RALGAPA2: variants seen among roughly 807,000 people sequenced by gnomAD.
RALGAPA2 encodes Ral GTPase activating protein catalytic subunit alpha 2.
A neutral mutation model predicts 230.4 loss-of-function variants in RALGAPA2; 139 were observed. The ratio of observed to expected loss-of-function variants is 0.60; its 90% CI spans 0.53 to 0.69. The LOEUF (loss-of-function observed/expected upper bound fraction) is 0.69. RALGAPA2 is among the 30% of genes least tolerant of loss of function. The pLI is 0.00. For missense variants in RALGAPA2, 2,163 were observed against 2,276.0 expected, an observed-to-expected ratio of 0.95 and a Z score of 1.01; for synonymous variants, 847 against 837.8, an observed-to-expected ratio of 1.01 and a Z score of -0.19.
intron 25 of RALGAPA2, among the ~76,000 whole-genome samples, chr20:20,536,368 T>C (rs1367747546): frequency 6.6e-6 from 1 of 152,208 alleles, no homozygotes; most frequent in Non-Finnish European, 1.5e-5. Flanking sequence ...CTAATAAAAT[T>C]ATTACAAAGG....
rs2067460169 is a variant in RALGAPA2, at chr20:20,653,058, T to G, written c.328+472A>C. 2.6e-5 allele frequency among the ~76,000 whole-genome samples: 4 copies of G among 151,358 alleles called. No individual in the cohort carries two copies. The South Asian group carries it at 8.4e-4, about 32-fold the overall frequency. ...ATACAAAAAAAAAATTAGCCGGGCATGGTGGCGCATGCCTGTAATCCCAGC... is the reference window on the plus strand; with the variant it reads ...ATACAAAAAAAAAATTAGCCGGGCAGGGTGGCGCATGCCTGTAATCCCAGC... On this transcript the variant is annotated intron_variant, in intron 4 of 39. Transcript: ENST00000202677.
chr20:20,474,205 T>A (rs2061600303), intron 36 of RALGAPA2, among the ~76,000 whole-genome samples: 1 of 152,122 alleles, frequency 6.6e-6, no homozygotes, highest in African/African-American at 2.4e-5. Context: ...TATGAGAACA[T>A]CTAACGGAAG....
At chr20:20,505,196 A>G (rs933709037) in intron 34 of RALGAPA2, 2 of 981,116 alleles carry the variant, frequency 2.0e-6, no homozygotes, top group African/African-American at 1.8e-5. Context: ...AAATGAAAAA[A>G]TATTAAGAGG....
intron 37 of RALGAPA2, among the ~76,000 whole-genome samples, chr20:20,431,678 A>G (rs1001589762): frequency 1.3e-5 from 2 of 152,248 alleles, no homozygotes; most frequent in African/African-American, 4.8e-5. Flanking sequence ...TCAAAATTGC[A>G]AAGGGAGCAG....
intron 38 of RALGAPA2, among the ~76,000 whole-genome samples, chr20:20,400,922 C>T (rs900280602): frequency 1.3e-5 from 2 of 152,128 alleles, no homozygotes; most frequent in East Asian, 1.9e-4. Flanking sequence ...AAGAAGTCAG[C>T]CACCAAAGAC....
At chr20:20,469,349 T>C (rs1390976459) in intron 37 of RALGAPA2, among the ~76,000 whole-genome samples, 1 of 152,190 alleles carries the variant, frequency 6.6e-6, no homozygotes, top group Non-Finnish European at 1.5e-5. Context: ...TTTTTGAAGA[T>C]GTGAAAATTC....
At chr20:20,551,695 G>C (rs1212748379) in intron 23 of RALGAPA2, among the ~76,000 whole-genome samples, 4 of 152,260 alleles carry the variant, frequency 2.6e-5, no homozygotes, top group African/African-American at 9.6e-5. Context: ...TATGTACACA[G>C]TAACTGGAAA....
intron 36 of RALGAPA2, among the ~76,000 whole-genome samples, chr20:20,494,717 C>G (rs2145244): frequency 6.6e-6 from 1 of 152,248 alleles, no homozygotes; most frequent in Non-Finnish European, 1.5e-5. Flanking sequence ...CCAGGCAAGG[C>G]TGGATTCCAT....
At chr20:20,623,107 A>G (rs1206313686) in intron 10 of RALGAPA2, among the ~76,000 whole-genome samples, 1 of 152,232 alleles carries the variant, frequency 6.6e-6, no homozygotes, top group Non-Finnish European at 1.5e-5. Flanking sequence ...GTAAGAAGAC[A>G]GCAGACTAAA....
chr20:20,671,335 T>A (rs938584334), intron 3 of RALGAPA2, among the ~76,000 whole-genome samples: 1 of 152,242 alleles, frequency 6.6e-6, no homozygotes. Context: ...TTCCAAGCCA[T>A]TTCTTATTTA....
At chr20:20,491,121 A>G (rs1292145371) in intron 36 of RALGAPA2, among the ~76,000 whole-genome samples, 9 of 152,134 alleles carry the variant, frequency 5.9e-5, no homozygotes, top group Non-Finnish European at 1.3e-4. Flanking sequence ...AAGAAACGGA[A>G]AGATCTGCCC....
intron 30 of RALGAPA2, among the ~76,000 whole-genome samples, chr20:20,524,007 A>G (rs2063120622): frequency 6.6e-6 from 1 of 152,092 alleles, no homozygotes; most frequent in African/African-American, 2.4e-5. Flanking sequence ...CCCAGGTTGG[A>G]GTGCAGTGGC....
chr20:20,444,347 T>C (rs1162261640), intron 37 of RALGAPA2, among the ~76,000 whole-genome samples: 1 of 152,252 alleles, frequency 6.6e-6, no homozygotes, highest in Non-Finnish European at 1.5e-5. Context: ...AGGCACGCTG[T>C]GTGTCTCCTG....
intron 14 of RALGAPA2, among the ~76,000 whole-genome samples, chr20:20,610,211 A>C (rs376205697): frequency 1.3e-5 from 2 of 152,210 alleles, no homozygotes; most frequent in South Asian, 4.1e-4. Context: ...ATCCAAAGTC[A>C]AGTCCATCCA....
At chr20:20,529,560 T>C (rs1415602581) in intron 27 of RALGAPA2, among the ~76,000 whole-genome samples, 2 of 152,230 alleles carry the variant, frequency 1.3e-5, no homozygotes, top group Non-Finnish European at 2.9e-5. Flanking sequence ...CATAAGCTTA[T>C]AGTGCCATAT....
intron 34 of RALGAPA2, among the ~76,000 whole-genome samples, chr20:20,504,592 G>A (rs2062472992): frequency 2.0e-5 from 3 of 152,212 alleles, no homozygotes; most frequent in East Asian, 1.9e-4. Context: ...TGGGTGTGGC[G>A]GCGCGTGCCT....
intron 3 of RALGAPA2, among the ~76,000 whole-genome samples, chr20:20,657,665 C>T (rs2067636876): frequency 6.6e-6 from 1 of 152,156 alleles, no homozygotes; most frequent in Admixed American, 6.5e-5. Flanking sequence ...CCATGCAGTT[C>T]ACAGTGCCTG....
At position 20,616,060 on chromosome 20, in the gene RALGAPA2, T is replaced by C. The variant is rs899158851; in HGVS notation, c.1671A>G (p.Thr557=). The C allele has an allele frequency of 3.3e-6, 5 of 1,525,250 alleles. No individual in the cohort carries two copies. Among genetic ancestry groups the C allele is most frequent in the African/African-American group, 1.4e-5 (1 of 72,050 alleles). The allele number at this position is 1,525,250 out of a possible 1,614,324, so 94.5% of individuals were successfully genotyped here. Reference sequence around the variant, plus strand: ...AAACTTACCATGTCTTTTTATTCATTGTAAGCTCCATTATCATGCGCCTAA... The same window carrying C: ...AAACTTACCATGTCTTTTTATTCATCGTAAGCTCCATTATCATGCGCCTAA... ...IIFRRMIMEL[T]MNKKTWEQML... The change falls in exon 13 of 40, where the codon ACA becomes ACG. Residue 557 remains threonine (T), a synonymous_variant. Coordinates refer to ENST00000202677, the MANE Select transcript of RALGAPA2 (RefSeq NM_020343.4).
intron 23 of RALGAPA2, among the ~76,000 whole-genome samples, chr20:20,568,242 A>T: frequency 6.6e-6 from 1 of 152,236 alleles, no homozygotes; most frequent in East Asian, 1.9e-4. Flanking sequence ...AGGAAAAAAT[A>T]AAGCCATTTC....
Sources: allele counts gnomAD v4.1 joint callset (sites outside exome capture counted in the v4.1 genomes callset), GRCh38; gene constraint gnomAD v4.1.1; transcripts MANE v1.5; gene names NCBI Gene and HGNC (gene_info 2026-07-23, HGNC 2026-07-21).